The following BTAF1 variants were observed in gnomAD, a reference collection of about 807,000 sequenced individuals.
BTAF1 encodes B-TFIID TATA-box binding protein associated factor 1.
Under a neutral mutation model 227.1 loss-of-function variants are expected in BTAF1, and 38 were observed. The ratio of observed to expected loss-of-function variants is 0.17; its 90% confidence interval spans 0.13 to 0.22. The LOEUF is 0.22. Among genes scored for constraint, BTAF1 ranks in the 10% least tolerant of loss-of-function variants. The probability of loss-of-function intolerance (pLI) is 1.00; values close to 1 mark genes in which losing one functional copy is unlikely to be tolerated. For synonymous variants in BTAF1, 742 were observed against 751.9 expected (o/e 0.99, Z 0.21); for missense variants, 1,598 against 2,204.0 (o/e 0.73, Z 5.51).
At chr10:92,003,027 C>T (rs1299871512) in intron 25 of BTAF1, among the ~76,000 whole-genome samples, 3 of 152,006 alleles carry the variant, frequency 2.0e-5, no homozygotes, top group East Asian at 1.9e-4. Flanking sequence ...CATGGTGGCA[C>T]GCACCTGTAA....
chr10:91,936,698 A>T (rs1244942384), intron 2 of BTAF1, among the ~76,000 whole-genome samples: 2 of 152,228 alleles, frequency 1.3e-5, no homozygotes, highest in Admixed American at 6.5e-5. Context: ...ATGAAGAAGG[A>T]TGCATATTAG....
chr10:91,955,046 AAG>A (rs901668590), intron 6 of BTAF1, among the ~76,000 whole-genome samples: 71 of 152,368 alleles, frequency 4.7e-4, no homozygotes, highest in African/African-American at 1.7e-3. Flanking sequence ...GCTAGGCACA[AAG>A]GGGGATAAAT....
chr10:91,928,422 C>G (rs944585219), intron 1 of BTAF1, among the ~76,000 whole-genome samples: 5 of 151,908 alleles, frequency 3.3e-5, no homozygotes, highest in Non-Finnish European at 7.4e-5. Context: ...TCTTTTAAAC[C>G]CTTAGTAAAA....
At chr10:91,951,664 G>C in intron 5 of BTAF1, 98 bp downstream of exon 5, 1 of 1,303,792 alleles carries the variant, frequency 7.7e-7, no homozygotes, top group Non-Finnish European at 1.0e-6. Context: ...GTTATACTTA[G>C]CTCTGTTCAT....
At position 91,966,991 on chromosome 10, in the gene BTAF1, A is replaced by G. The variant is rs559971740; in HGVS notation, c.1650+234A>G. On this transcript the variant is annotated intron_variant, in intron 14 of 37. Transcript: ENST00000265990. The stretch of plus-strand genomic sequence containing the variant: ...CATGCTTAACACATAGGAAGTCCTC[A>G]GTAAATGTTTGTTGAATGAGTGATT... 1.6e-4 allele frequency among the ~76,000 whole-genome samples: 24 copies of G among 152,320 alleles called. No individual in the cohort carries two copies. In the South Asian group the frequency reaches 4.8e-3, roughly 30 times the overall value.
In BTAF1 at chr10:92,008,940, C is replaced by G; in HGVS notation, c.3925C>G (p.His1309Asp). ...LQSICILAGD[H>D]CHRAQEYARS... Reference sequence around the variant, plus strand: ...GTCCATCTGCATTCTAGCAGGAGATCATTGTCATAGGTAATTTAAGATGTT... The same window carrying G: ...GTCCATCTGCATTCTAGCAGGAGATGATTGTCATAGGTAATTTAAGATGTT... Residue 1309 changes from histidine (H) to aspartate (D), a missense_variant, in exon 27 of 38, where the codon CAT becomes GAT. Physicochemically the swap from His to Asp is moderately conservative, Grantham distance 81. Transcript: ENST00000265990. The G allele has an allele frequency of 6.2e-7, 1 of 1,613,278 alleles. No homozygotes were observed. Among genetic ancestry groups the G allele is most frequent in the Non-Finnish European group, 8.5e-7 (1 of 1,179,792 alleles).
At chr10:91,931,825 A>G (rs1054637908) in intron 1 of BTAF1, among the ~76,000 whole-genome samples, 1 of 152,176 alleles carries the variant, frequency 6.6e-6, no homozygotes, top group Non-Finnish European at 1.5e-5. Context: ...GTGGTGTCCA[A>G]TCTGCTGTCC....
intron 34 of BTAF1, among the ~76,000 whole-genome samples, chr10:92,023,625 A>G (rs895294069): frequency 4.6e-5 from 7 of 152,194 alleles, no homozygotes. Context: ...TGGAGGTTGC[A>G]GTGAGCCAAG....
rs748894529 is a variant in BTAF1 at position 91,984,204 on chromosome 10, T to C, written c.2227T>C (p.Cys743Arg). ...TTTGTTTTCTGTTGTATTTTAGGAG[T>C]GTAAAGCTGTTACCTTAGCTGTGCA... ...ICEWAALQKE[C>R]KAVTLAVQPR... Residue 743 changes from cysteine (C) to arginine (R), a missense_variant, in exon 19 of 38, where the codon TGT becomes CGT. Coordinates refer to ENST00000265990, the MANE Select transcript of BTAF1 (RefSeq NM_003972.3). The C allele has an allele frequency of 6.2e-7, 1 of 1,613,544 alleles. No individual in the cohort carries two copies. Among genetic ancestry groups the C allele is most frequent in the East Asian group, 2.2e-5 (1 of 44,828 alleles).
Position 91,993,723 on chromosome 10 carries a change from A to G in BTAF1, c.3075A>G (p.Arg1025=), listed in dbSNP as rs369497527. The G allele has an allele frequency of 2.5e-6, 4 of 1,582,416 alleles. No individual in the cohort carries two copies. The highest frequency in any genetic ancestry group is 3.4e-6 in the Non-Finnish European group (4 of 1,161,214). The change falls in exon 22 of 38, where the codon AGA becomes AGG. Residue 1025 remains arginine, a synonymous_variant. Transcript: ENST00000265990. ...EAQKPYLVQR[R]GAEFALTTIV... ...AGAAGCCTTACCTGGTACAACGGAG[A>G]GGAGCTGAATTTGCTTTGACAACTA...
chr10:91,969,247 TTTA>T (rs1847128505), intron 14 of BTAF1, among the ~76,000 whole-genome samples: 1 of 152,094 alleles, frequency 6.6e-6, no homozygotes, highest in Admixed American at 6.5e-5. Flanking sequence ...AACTTGTGAC[TTTA>T]TTATTAGTAA....
At chr10:91,993,628 G>T in intron 21 of BTAF1, 66 bp from the exon 22 acceptor site, 2 of 1,224,056 alleles carry the variant, frequency 1.6e-6, no homozygotes, top group Non-Finnish European at 2.1e-6. Flanking sequence ...AAATTCTTTT[G>T]TTAAAATTTT....
At chr10:91,967,067 T>G (rs548595463) in intron 14 of BTAF1, among the ~76,000 whole-genome samples, 1 of 152,322 alleles carries the variant, frequency 6.6e-6, no homozygotes, top group African/African-American at 2.4e-5. Context: ...CTTTGCATGC[T>G]CTTTGTCTGT....
At chr10:91,982,365 T>C in intron 17 of BTAF1, 140 bp downstream of exon 17, 1 of 1,197,852 alleles carries the variant, frequency 8.3e-7, no homozygotes. Flanking sequence ...AAGGAAAAAT[T>C]AGAGTAAGCA....
At chr10:91,938,709 A>ATGGT (rs898288074) in intron 2 of BTAF1, among the ~76,000 whole-genome samples, 57 of 152,264 alleles carry the variant, frequency 3.7e-4, no homozygotes, top group East Asian at 1.9e-3. Context: ...GTTGCCAAGT[A>ATGGT]TGGTGGTACA....
At chr10:92,018,508 G>A (rs1253122623) in intron 33 of BTAF1, among the ~76,000 whole-genome samples, 2 of 152,150 alleles carry the variant, frequency 1.3e-5, no homozygotes, top group Non-Finnish European at 2.9e-5. Flanking sequence ...CAACTAAGAC[G>A]CTCAATTTGC....
chr10:92,024,123 A>G (rs1217762444), intron 34 of BTAF1, among the ~76,000 whole-genome samples: 1 of 152,254 alleles, frequency 6.6e-6, no homozygotes, highest in African/African-American at 2.4e-5. Flanking sequence ...TAAATGATCT[A>G]TAGCAAAATG....
intron 18 of BTAF1, among the ~76,000 whole-genome samples, chr10:91,983,157 T>C (rs1346403222): frequency 1.3e-5 from 2 of 152,212 alleles, no homozygotes; most frequent in Non-Finnish European, 2.9e-5. Flanking sequence ...CATCCATCTG[T>C]GTGGGTAGTA....
chr10:92,004,051 C>T (rs916523592), intron 25 of BTAF1, among the ~76,000 whole-genome samples: 1 of 151,786 alleles, frequency 6.6e-6, no homozygotes, highest in Non-Finnish European at 1.5e-5. Flanking sequence ...TAAGAAATAC[C>T]TATTCAGGTC....
Sources: gnomAD v4.1 joint callset for allele counts (sites outside exome capture counted in the v4.1 genomes callset) on GRCh38, gnomAD v4.1.1 for gene constraint, MANE v1.5 for transcripts, NCBI Gene and HGNC (gene_info 2026-07-23, HGNC 2026-07-21) for gene names.